The following CIZ1 variants were observed in gnomAD, a reference collection of about 807,000 sequenced individuals.
CIZ1 encodes the protein CDKN1A interacting zinc finger protein 1.
CIZ1 carries 58 observed loss-of-function variants against 118.6 expected under a neutral mutation model. The ratio of observed to expected loss-of-function variants is 0.49; its 90% confidence interval spans 0.40 to 0.61. The LOEUF (loss-of-function observed/expected upper bound fraction) is 0.61, where lower values mean the gene tolerates loss of function less well. CIZ1 is among the 20% of genes least tolerant of loss of function. The probability of loss-of-function intolerance (pLI) is 0.00; values close to 1 mark genes in which losing one functional copy is unlikely to be tolerated. For missense variants in CIZ1, 921 were observed against 1,115.9 expected (o/e 0.83, Z 2.49); for synonymous variants, 448 against 443.4 (o/e 1.01, Z -0.13).
At position 128,169,462 on chromosome 9, in the gene CIZ1, GGGTTTTGA is replaced by G; in HGVS notation, c.2081_2088del (p.Phe694SerfsTer14). On this transcript the variant is annotated frameshift_variant, in exon 13 of 17. Coordinates refer to ENST00000372938, the MANE Select transcript of CIZ1 (RefSeq NM_001131016.2). LOFTEE classifies it high-confidence loss of function. ...TTCACGTGCTCCACAAACTTGCGAG[GGGTTTTGA>G]AGTAGCGGTTGCAAACGGTGCAGAA... 3.1e-6 allele frequency: 5 copies of G among 1,614,182 alleles called. No homozygotes were observed. Among genetic ancestry groups the G allele is most frequent in the Non-Finnish European group, 4.2e-6 (5 of 1,180,036 alleles).
Position 128,180,540 on chromosome 9 carries a change from A to C in CIZ1, c.683-17T>G, listed in dbSNP as rs74996863. 165 of 1,602,958 alleles carry C rather than the reference A, an allele frequency of 1.0e-4. 1 individual carries two copies. The African/African-American group carries it at 1.9e-3, about 19-fold the overall frequency. On this transcript the variant is annotated splice_polypyrimidine_tract_variant and intron_variant, in intron 6 of 16. Transcript: ENST00000372938. ...AATCTTGGTCTGGAATGGAGGCATGAGCGAGGGAACTCATGTTGGGAAGAG... is the reference window on the plus strand; with the variant it reads ...AATCTTGGTCTGGAATGGAGGCATGCGCGAGGGAACTCATGTTGGGAAGAG...
At chr9:128,190,278 T>G (rs1338360162) in intron 3 of CIZ1, 51 bp downstream of exon 3, 1 of 1,299,102 alleles carries the variant, frequency 7.7e-7, no homozygotes, top group African/African-American at 1.5e-5. Flanking sequence ...AATGCGCTGC[T>G]AGGGAGCTAC....
intron 11 of CIZ1, among the ~76,000 whole-genome samples, chr9:128,174,016 CAAAA>C (rs372807194): frequency 1.2e-4 from 9 of 73,246 alleles, no homozygotes; most frequent in East Asian, 2.4e-3. Flanking sequence ...AAAAACAAAA[CAAAA>C]AAACAAAAAA....
upstream of CIZ1, among the ~76,000 whole-genome samples, chr9:128,194,327 A>C (rs1182004538): frequency 7.3e-6 from 1 of 136,438 alleles, no homozygotes; most frequent in Admixed American, 8.1e-5. Flanking sequence ...GTACCATTGC[A>C]CTCCAGCCTG....
At position 128,180,510 on chromosome 9, in the gene CIZ1, C is replaced by T. The variant is rs45579839; in HGVS notation, c.696G>A (p.Pro232=). Residue 232 remains proline, a synonymous_variant, in exon 7 of 17, where the codon CCG becomes CCA. Coordinates refer to ENST00000372938, the MANE Select transcript of CIZ1 (RefSeq NM_001131016.2). ...RMDTPEDQDL[P]PCPEDIAKEK... Reference sequence around the variant, plus strand: ...CCTTGGCGATGTCCTCTGGGCAGGGCGGTAAATCTTGGTCTGGAATGGAGG... The same window carrying T: ...CCTTGGCGATGTCCTCTGGGCAGGGTGGTAAATCTTGGTCTGGAATGGAGG... 1.1e-3 allele frequency: 1,838 copies of T among 1,613,958 alleles called. 20 individuals carry two copies. The East Asian group carries it at 0.023, about 20-fold the overall frequency.
intron 6 of CIZ1, 29 bp downstream of exon 6, chr9:128,180,692 C>A (rs1376911903): frequency 6.5e-7 from 1 of 1,546,698 alleles, no homozygotes; most frequent in South Asian, 1.1e-5. Flanking sequence ...TCATGTCCCT[C>A]TGAAGGGCCA....
In CIZ1 at chr9:128,203,280, G is replaced by C; in HGVS notation, c.-6+906C>G. ...CCATGATGCCCCGGACGGCGCCTGC[G>C]CACGGCGGCCGGCCCGCAGCGCCGC... On this transcript the variant is annotated intron_variant, in intron 1 of 17. Transcript: ENST00000372948. The surrounding 1 kb of genome is among the most constrained non-coding windows in gnomAD (Gnocchi z 5.3). The C allele has an allele frequency of 3.7e-6, 1 of 270,224 alleles. No individual in the cohort carries two copies. The highest frequency in any genetic ancestry group is 6.2e-6 in the Non-Finnish European group (1 of 160,108). The allele number at this position is 270,224 out of a possible 1,614,324, so 16.7% of individuals were successfully genotyped here.
At chr9:128,188,588 C>T (rs1472819658) in intron 3 of CIZ1, among the ~76,000 whole-genome samples, 1 of 151,962 alleles carries the variant, frequency 6.6e-6, no homozygotes, top group Non-Finnish European at 1.5e-5. Flanking sequence ...GTTGGGATTA[C>T]AGGCATGAGC....
At chr9:128,171,731 C>T (rs1335312016) in intron 11 of CIZ1, among the ~76,000 whole-genome samples, 3 of 151,486 alleles carry the variant, frequency 2.0e-5, no homozygotes, top group Non-Finnish European at 2.9e-5. Flanking sequence ...AGCAAGACTC[C>T]GTCTCAGAAA....
rs1336569399 is a variant in CIZ1, at chr9:128,178,820, C to G, written c.1387G>C (p.Glu463Gln). The change falls in exon 8 of 17, where the codon GAG becomes CAG. Residue 463 changes from glutamate (E) to glutamine (Q), a missense_variant. Glu to Gln is a conservative substitution (Grantham distance 29). Coordinates refer to ENST00000372938, the MANE Select transcript of CIZ1 (RefSeq NM_001131016.2). ...VSVQPPEQTH[E>Q]QPHTQPQVSL... ...ACCTGCGGCTGGGTGTGAGGCTGCT[C>G]ATGGGTCTGCTCTGGTGGCTGTACT... The G allele has an allele frequency of 6.2e-7, 1 of 1,614,068 alleles. No homozygotes were observed. The highest frequency in any genetic ancestry group is 8.5e-7 in the Non-Finnish European group (1 of 1,180,036).
intron 1 of CIZ1, chr9:128,198,305 A>G (rs561735117): frequency 1.3e-5 from 2 of 152,178 alleles, no homozygotes; most frequent in Non-Finnish European, 2.9e-5. Context: ...CCTGCGTCTT[A>G]TTAACCTCTT....
At chr9:128,182,547 A>T (rs1831803235) in intron 5 of CIZ1, among the ~76,000 whole-genome samples, 1 of 152,096 alleles carries the variant, frequency 6.6e-6, no homozygotes. Flanking sequence ...CCAAGCCTGA[A>T]AACACTCTGC....
chr9:128,177,596 G>A lies in CIZ1; in HGVS notation c.1788C>T (p.Tyr596=), dbSNP rs777238181. The change falls in exon 10 of 17, where the codon TAC becomes TAT. Residue 596 remains tyrosine, a synonymous_variant. Coordinates refer to ENST00000372938, the MANE Select transcript of CIZ1 (RefSeq NM_001131016.2). ...PSKQALQFFC[Y]ICKASCSSQQ... is the part of the protein sequence containing the mutation. ...GGCTGGAGCAGCTGGCCTTGCAGAT[G>A]TAGCAGAAGAACTGGAGGGCCTGCT... 1.3e-5 allele frequency: 19 copies of A among 1,462,618 alleles called. No individual in the cohort carries two copies. The South Asian group carries it at 1.5e-4, about 11-fold the overall frequency. 90.6% of individuals were successfully genotyped at this position (1,462,618 alleles called of 1,614,324 possible). A position where few individuals can be genotyped will look rare whatever the true frequency, so the allele number is the denominator to read the frequency against.
chr9:128,187,984 TC>T (rs1383084472), intron 3 of CIZ1, 50 bp from the exon 4 acceptor site: 8 of 577,144 alleles, frequency 1.4e-5, no homozygotes, highest in East Asian at 3.4e-5. Context: ...AAAACATCCA[TC>T]CCCCCTGACT....
rs989324181 is a variant in CIZ1, at chr9:128,203,370, G to C, written c.-6+816C>G. 2 of 1,165,192 alleles carry C rather than the reference G, an allele frequency of 1.7e-6. No homozygotes were observed. The highest frequency in any genetic ancestry group is 5.6e-5 in the South Asian group (2 of 35,860). The allele number at this position is 1,165,192 out of a possible 1,614,324, so 72.2% of individuals were successfully genotyped here. A position where few individuals can be genotyped will look rare whatever the true frequency, so the allele number is the denominator to read the frequency against. On this transcript the variant is annotated intron_variant, in intron 1 of 17. Transcript: ENST00000372948. This position sits in a 1 kb window ranked among gnomAD's most constrained non-coding sequence, Gnocchi z 5.3. Reference sequence around the variant, plus strand: ...GATCCCCGAGGGGCGGGGGCCCCGCGGCGCAGGCAGTCTGGGCGCGCGGCT... The same window carrying C: ...GATCCCCGAGGGGCGGGGGCCCCGCCGCGCAGGCAGTCTGGGCGCGCGGCT...
In CIZ1 at chr9:128,166,455, A is replaced by G. The variant is rs760589744; in HGVS notation, c.2488-49T>C. The G allele has an allele frequency of 4.3e-6, 6 of 1,393,772 alleles. No homozygotes were observed. Among genetic ancestry groups the G allele is most frequent in the Non-Finnish European group, 4.9e-6 (5 of 1,028,388 alleles). 86.3% of individuals were successfully genotyped at this position (1,393,772 alleles called of 1,614,324 possible). A position where few individuals can be genotyped will look rare whatever the true frequency, so the allele number is the denominator to read the frequency against. On this transcript the variant is annotated intron_variant, in intron 16 of 16. Coordinates refer to ENST00000372938, the MANE Select transcript of CIZ1 (RefSeq NM_001131016.2). This position sits in a 1 kb window ranked among gnomAD's most constrained non-coding sequence, Gnocchi z 4.4. ...GGTCAGGGTCTCCTCCCTACATGGT[A>G]TGCTCCTGGCCAGCAGCTACTTCCC...
Position 128,166,697 on chromosome 9 carries a change from ATCAGCTTGGATTAAGAC to A in CIZ1, c.2487+45_2487+61del. On this transcript the variant is annotated intron_variant, in intron 16 of 16. Coordinates refer to ENST00000372938, the MANE Select transcript of CIZ1 (RefSeq NM_001131016.2). The surrounding 1 kb of genome is among the most constrained non-coding windows in gnomAD (Gnocchi z 4.4). ...GAGGGAGTGGCCACTAGCCACCCGA[ATCAGCTTGGATTAAGAC>A]TAAGTCTGTGGCCAGGGGAGGACAG... The A allele has an allele frequency of 6.2e-7, 1 of 1,610,020 alleles. No individual in the cohort carries two copies. The highest frequency in any genetic ancestry group is 8.5e-7 in the Non-Finnish European group (1 of 1,177,014).
chr9:128,167,190 G>A (rs571270532), intron 14 of CIZ1, 26 bp from the exon 15 acceptor site: 4 of 1,535,064 alleles, frequency 2.6e-6, no homozygotes, highest in African/African-American at 2.7e-5. Context: ...TGTGGGCCTC[G>A]GATCTGGCTT....
At chr9:128,169,976 C>A in intron 12 of CIZ1, 44 bp downstream of exon 12, 1 of 1,552,298 alleles carries the variant, frequency 6.4e-7, no homozygotes, top group Admixed American at 1.9e-5. Flanking sequence ...ACTCCACTTG[C>A]AGACGGCAGT....
Sources: gnomAD v4.1 joint callset for allele counts (sites outside exome capture counted in the v4.1 genomes callset) on GRCh38, gnomAD v4.1.1 for gene constraint, Gnocchi (gnomAD v3.1) non-coding constraint, MANE v1.5 for transcripts, NCBI Gene and HGNC (gene_info 2026-07-23, HGNC 2026-07-21) for gene names.